Variants in MICU3 observed in about 807,000 individuals in gnomAD.
MICU3 encodes calcium uptake protein 3, mitochondrial.
Under a neutral mutation model 66.5 loss-of-function variants are expected in MICU3, and 62 were observed. That is an observed-to-expected ratio of 0.93 (90% confidence interval 0.76 to 1.15). The LOEUF is 1.15. Among genes scored for constraint, MICU3 ranks in the 50% most tolerant of loss-of-function variants. The pLI is 0.00. For missense variants in MICU3, 779 were observed against 664.4 expected, an observed-to-expected ratio of 1.17 and a Z score of -1.90; for synonymous variants, 308 against 240.7, an observed-to-expected ratio of 1.28 and a Z score of -2.59.
intron 11 of MICU3, among the ~76,000 whole-genome samples, chr8:17,106,563 G>A (rs867664061): frequency 1.1e-5 from 1 of 93,522 alleles, no homozygotes; most frequent in Non-Finnish European, 2.3e-5. Context: ...TTTTTTTTTT[G>A]CTTTTATTAA....
intron 4 of MICU3, among the ~76,000 whole-genome samples, chr8:17,080,138 A>G (rs902779430): frequency 6.6e-6 from 1 of 151,658 alleles, no homozygotes; most frequent in Admixed American, 6.6e-5. Context: ...AGTTAGTTTT[A>G]TAGTATTCTG....
intron 11 of MICU3, among the ~76,000 whole-genome samples, chr8:17,111,224 T>C (rs1470465427): frequency 6.6e-6 from 1 of 152,240 alleles, no homozygotes; most frequent in Non-Finnish European, 1.5e-5. Context: ...ACATGTTCTT[T>C]ATATAAACTG....
At chr8:17,043,156 G>T (rs929159490) in intron 1 of MICU3, among the ~76,000 whole-genome samples, 12 of 151,516 alleles carry the variant, frequency 7.9e-5, no homozygotes, top group Non-Finnish European at 1.5e-4. Context: ...AGCCAGGATG[G>T]TCTCGATCTC....
chr8:17,027,246 C>A lies in MICU3; in HGVS notation c.-34C>A, dbSNP rs932312943. 2.5e-5 allele frequency: 23 copies of A among 906,672 alleles called. No individual in the cohort carries two copies. The highest frequency in any genetic ancestry group is 3.4e-5 in the Non-Finnish European group (23 of 684,142). The allele number at this position is 906,672 out of a possible 1,614,324, so 56.2% of individuals were successfully genotyped here. The stretch of plus-strand genomic sequence containing the variant: ...CCCGCCCCCGCCCCTCCGTTCTCTG[C>A]CCCCTCCCAGCTCTGGTGTGGGCGG... On this transcript the variant is annotated 5_prime_UTR_variant, in exon 1 of 15. Coordinates refer to ENST00000318063, the MANE Select transcript of MICU3 (RefSeq NM_181723.3).
chr8:17,105,631 C>G, intron 11 of MICU3, 47 bp downstream of exon 11: 1 of 1,172,270 alleles, frequency 8.5e-7, no homozygotes, highest in Non-Finnish European at 1.2e-6. Flanking sequence ...TTTTGCAATA[C>G]GTGCCTCTAA....
In MICU3 at chr8:17,104,444, T is replaced by G. The variant is rs766670510; in HGVS notation, c.1038T>G (p.Phe346Leu). The change falls in exon 10 of 15, where the codon TTT (phenylalanine) becomes TTG (leucine). Residue 346 changes from phenylalanine (F) to leucine (L), a missense_variant. Physicochemically the swap from Phe to Leu is conservative, Grantham distance 22. Transcript: ENST00000318063. ...LVTDTTLLVH[F>L]FGKKGKAELN... ...CAGATACTACACTTCTTGTACACTTTTTTGGAAAGAAAGGAAAAGCTGAGC... is the reference window on the plus strand; with the variant it reads ...CAGATACTACACTTCTTGTACACTTGTTTGGAAAGAAAGGAAAAGCTGAGC... The G allele has an allele frequency of 4.1e-6, 6 of 1,467,628 alleles. No individual in the cohort carries two copies. The highest frequency in any genetic ancestry group is 5.5e-6 in the Non-Finnish European group (6 of 1,088,562). The allele number at this position is 1,467,628 out of a possible 1,614,324, so 90.9% of individuals were successfully genotyped here. A position where few individuals can be genotyped will look rare whatever the true frequency, so the allele number is the denominator to read the frequency against.
the MICU3 span, among the ~76,000 whole-genome samples, chr8:17,134,934 C>T: frequency 1.6e-4 from 24 of 152,154 alleles, no homozygotes; most frequent in African/African-American, 5.5e-4. Context: ...TGACACATGA[C>T]GTTAACCATC....
intron 11 of MICU3, among the ~76,000 whole-genome samples, chr8:17,110,936 A>G (rs1036651325): frequency 2.6e-5 from 4 of 152,136 alleles, no homozygotes; most frequent in Admixed American, 1.3e-4. Flanking sequence ...ATTCTTTGCT[A>G]TGGCTGAATA....
At chr8:17,085,698 G>T (rs1799397419) in intron 6 of MICU3, among the ~76,000 whole-genome samples, 1 of 152,006 alleles carries the variant, frequency 6.6e-6, no homozygotes, top group African/African-American at 2.4e-5. Context: ...CTCAATATGG[G>T]ATTCATGTTT....
At chr8:17,040,403 C>G (rs76661984) in intron 1 of MICU3, among the ~76,000 whole-genome samples, 6,107 of 152,178 alleles carry the variant, frequency 0.04, 452 homozygotes, top group African/African-American at 0.14. Flanking sequence ...CTTGCTTATA[C>G]AGAATCATTT....
chr8:17,072,316 A>T (rs1255925224), intron 3 of MICU3, among the ~76,000 whole-genome samples: 1 of 152,158 alleles, frequency 6.6e-6, no homozygotes, highest in Non-Finnish European at 1.5e-5. Context: ...TAGATGTTTG[A>T]ATAATAACTT....
rs899094392 is a variant in MICU3 at position 17,038,368 on chromosome 8, C to T, written c.381+10708C>T. On this transcript the variant is annotated intron_variant, in intron 1 of 14. Coordinates refer to ENST00000318063, the MANE Select transcript of MICU3 (RefSeq NM_181723.3). ...CTGATGGTTTTATAAAGGAGAGTTC[C>T]TCTGCACATGCTCTCTTGACTGCTG... is the stretch of plus-strand genomic sequence containing the variant. Among the ~76,000 whole-genome samples, 15 of 152,176 alleles carry T rather than the reference C, an allele frequency of 9.9e-5. No individual in the cohort carries two copies. The South Asian group carries it at 1.4e-3, about 15-fold the overall frequency.
intron 5 of MICU3, among the ~76,000 whole-genome samples, chr8:17,083,215 G>C (rs1041807914): frequency 1.3e-5 from 2 of 152,090 alleles, no homozygotes; most frequent in African/African-American, 4.8e-5. Flanking sequence ...GACCAGATGA[G>C]CCAGTTTATC....
intron 1 of MICU3, among the ~76,000 whole-genome samples, chr8:17,046,471 T>C (rs190961611): frequency 1.6e-3 from 238 of 152,336 alleles, no homozygotes; most frequent in African/African-American, 5.2e-3. Context: ...TTTGGTAATA[T>C]AGAATCAGTC....
At chr8:17,050,143 G>A (rs185281673) in intron 1 of MICU3, among the ~76,000 whole-genome samples, 30 of 151,888 alleles carry the variant, frequency 2.0e-4, no homozygotes, top group South Asian at 6.3e-4. Context: ...TTGAATTGTC[G>A]GATCTATAGC....
chr8:17,047,664 G>A (rs1284473753), intron 1 of MICU3, among the ~76,000 whole-genome samples: 2 of 152,142 alleles, frequency 1.3e-5, no homozygotes, highest in East Asian at 3.8e-4. Context: ...AGGACAGTGG[G>A]CTATATCTTC....
At chr8:17,064,915 T>C (rs927568090) in intron 2 of MICU3, among the ~76,000 whole-genome samples, 1 of 152,092 alleles carries the variant, frequency 6.6e-6, no homozygotes, top group African/African-American at 2.4e-5. Flanking sequence ...CTGGTGGTAG[T>C]TGCAGCTTCA....
At chr8:17,122,957 G>C (rs1171605669), downstream of MICU3, among the ~76,000 whole-genome samples, 3 of 151,962 alleles carry the variant, frequency 2.0e-5, no homozygotes, top group East Asian at 5.8e-4. Context: ...ATCTTACTAA[G>C]GTAACACCTA....
At chr8:17,063,541 A>G (rs1252254139) in intron 1 of MICU3, among the ~76,000 whole-genome samples, 2 of 152,190 alleles carry the variant, frequency 1.3e-5, no homozygotes, top group Admixed American at 6.5e-5. Flanking sequence ...ATTCAGACCA[A>G]TGATGGCCAC....
Sources: gnomAD v4.1 joint callset for allele counts (sites outside exome capture counted in the v4.1 genomes callset) on GRCh38, gnomAD v4.1.1 for gene constraint, MANE v1.5 for transcripts, NCBI Gene and HGNC (gene_info 2026-07-23, HGNC 2026-07-21) for gene names.